The following STRN variants were observed in gnomAD, a reference collection of about 807,000 sequenced individuals.
The protein encoded by STRN is protein phosphatase 2 regulatory subunit B'''alpha.
Under a neutral mutation model 96.3 loss-of-function variants are expected in STRN, and 53 were observed. The observed-to-expected ratio is 0.55, with a 90% CI of 0.44 to 0.69. STRN has a LOEUF of 0.69. STRN is among the 30% of genes least tolerant of loss of function. The pLI, the probability that STRN is intolerant of heterozygous loss-of-function variation, is 0.00. For synonymous variants in STRN, 428 were observed against 355.9 expected, an observed-to-expected ratio of 1.20 and a Z score of -2.28; for missense variants, 987 against 963.9, an observed-to-expected ratio of 1.02 and a Z score of -0.32.
chr2:36,856,297 G>A (rs755091888), intron 14 of STRN, among the ~76,000 whole-genome samples: 2 of 152,080 alleles, frequency 1.3e-5, no homozygotes, highest in African/African-American at 4.8e-5. Context: ...ACATCCACCT[G>A]AAAGCCCAGC....
chr2:36,951,528 G>A (rs1664752255), intron 1 of STRN, among the ~76,000 whole-genome samples: 1 of 152,122 alleles, frequency 6.6e-6, no homozygotes, highest in Non-Finnish European at 1.5e-5. Context: ...TGACAAACAT[G>A]GTAAATATCA....
intron 1 of STRN, among the ~76,000 whole-genome samples, chr2:36,962,348 TACACCAC>T (rs922301787): frequency 6.6e-6 from 1 of 152,164 alleles, no homozygotes. Context: ...GGGCCTCTCC[TACACCAC>T]ACACCACACA....
intron 12 of STRN, among the ~76,000 whole-genome samples, chr2:36,862,183 G>C (rs1448347776): frequency 2.0e-5 from 3 of 152,070 alleles, no homozygotes; most frequent in Non-Finnish European, 4.4e-5. Flanking sequence ...GGCATTTAGG[G>C]TGACTCCATG....
intron 1 of STRN, among the ~76,000 whole-genome samples, chr2:36,947,813 C>A (rs1664626613): frequency 1.3e-5 from 2 of 151,514 alleles, no homozygotes; most frequent in South Asian, 2.1e-4. Flanking sequence ...CTAAAGATGA[C>A]ATGTGGAAAA....
At chr2:36,875,758 G>A (rs1032863233) in intron 10 of STRN, among the ~76,000 whole-genome samples, 10 of 150,468 alleles carry the variant, frequency 6.6e-5, no homozygotes, top group African/African-American at 2.2e-4. Context: ...CCGGGTTCAC[G>A]CCATTCTCCT....
Position 36,838,837 on chromosome 2 carries a change from A to G in STRN, c.*10619T>C, listed in dbSNP as rs1195686687. Among the ~76,000 whole-genome samples, 2 of 152,202 alleles carry G rather than the reference A, an allele frequency of 1.3e-5. No individual in the cohort carries two copies. The highest frequency in any genetic ancestry group is 2.4e-5 in the African/African-American group (1 of 41,450). ...AGACTTAGAGAAATTCTCATCCTAC[A>G]TTGTTAAATGAGAAATGTGAGATGC... On this transcript the variant is annotated 3_prime_UTR_variant, in exon 18 of 18. Coordinates refer to ENST00000263918, the MANE Select transcript of STRN (RefSeq NM_003162.4).
chr2:36,877,947 G>C lies in STRN; in HGVS notation c.1267C>G (p.Leu423Val). 2 of 1,614,156 alleles carry C rather than the reference G, an allele frequency of 1.2e-6. No homozygotes were observed. Among genetic ancestry groups the C allele is most frequent in the Non-Finnish European group, 1.7e-6 (2 of 1,180,026 alleles). The change falls in exon 10 of 18, where the codon CTT (leucine) becomes GTT (valine). Residue 423 changes from leucine to valine, a missense_variant. By Grantham distance (32) the Leu-to-Val change is conservative. Coordinates refer to ENST00000263918, the MANE Select transcript of STRN (RefSeq NM_003162.4). ...ACCGTAAGGCCTGCTAGTTCTCCAA[G>C]TCCCAGTTCACTTTCAAGGGCTTCA... ...ADEALESELG[L>V]GELAGLTVAN...
intron 1 of STRN, among the ~76,000 whole-genome samples, 199 bp downstream of exon 1, chr2:36,966,031 G>T (rs934481336): frequency 6.6e-6 from 1 of 151,914 alleles, no homozygotes; most frequent in Non-Finnish European, 1.5e-5. Context: ...CACCAGGAGC[G>T]GGAGTGAGAA....
Position 36,948,081 on chromosome 2 carries a change from C to CTTTTTTTTTTTTTTTTTTTTTT in STRN, c.234+18127_234+18148dup, listed in dbSNP as rs553351693. ...TCTCCTCTATAATTATCAGTGCACT[C>CTTTTTTTTTTTTTTTTTTTTTT]TTTTTTTTTTTTTTTTTTTTTTTTT... is the stretch of plus-strand genomic sequence containing the variant. On this transcript the variant is annotated intron_variant, in intron 1 of 17. Coordinates refer to ENST00000263918, the MANE Select transcript of STRN (RefSeq NM_003162.4). Among the ~76,000 whole-genome samples, 4 of 68,138 alleles carry CTTTTTTTTTTTTTTTTTTTTTT rather than the reference C, an allele frequency of 5.9e-5. 1 individual carries two copies. The highest frequency in any genetic ancestry group is 1.9e-4 in the African/African-American group (3 of 15,886). The allele number at this position is 68,138 out of a possible 152,430, so 44.7% of individuals were successfully genotyped here.
intron 15 of STRN, among the ~76,000 whole-genome samples, chr2:36,853,694 A>G (rs1265336529): frequency 6.6e-6 from 1 of 152,200 alleles, no homozygotes; most frequent in Non-Finnish European, 1.5e-5. Context: ...TTTAAACTCT[A>G]TATAAAACTC....
chr2:36,866,507 AT>A (rs1668630386), intron 12 of STRN, among the ~76,000 whole-genome samples: 1 of 152,192 alleles, frequency 6.6e-6, no homozygotes. Flanking sequence ...AGAAGAATGT[AT>A]ATTCTGTTGT....
At chr2:36,923,124 G>C (rs1242716145) in intron 2 of STRN, among the ~76,000 whole-genome samples, 1 of 134,508 alleles carries the variant, frequency 7.4e-6, no homozygotes, top group Non-Finnish European at 1.6e-5. Context: ...CCTGGCAACA[G>C]AGCAAAACTC....
chr2:36,873,869 G>T (rs906084653), intron 10 of STRN, among the ~76,000 whole-genome samples: 3 of 151,724 alleles, frequency 2.0e-5, no homozygotes, highest in African/African-American at 7.3e-5. Context: ...CTTGAACCTG[G>T]GAGGCAGAGG....
In STRN at chr2:36,847,426, C is replaced by A. The variant is rs1375679246; in HGVS notation, c.*2030G>T. 2.6e-5 allele frequency: 4 copies of A among 152,052 alleles called. No individual in the cohort carries two copies. In the East Asian group the frequency reaches 7.7e-4, roughly 29 times the overall value. 9.4% of individuals were successfully genotyped at this position (152,052 alleles called of 1,614,324 possible). On this transcript the variant is annotated 3_prime_UTR_variant, in exon 18 of 18. Coordinates refer to ENST00000263918, the MANE Select transcript of STRN (RefSeq NM_003162.4). ...GAAGGAATTTTCCAGTATCCTTCTA[C>A]AAATGTTAGGTTAGAAACATTCTTT...
chr2:36,897,950 T>A (rs1669588967), intron 6 of STRN, among the ~76,000 whole-genome samples: 1 of 152,056 alleles, frequency 6.6e-6, no homozygotes, highest in African/African-American at 2.4e-5. Flanking sequence ...TTCAGCCTCC[T>A]GAGTAGCTGG....
intron 1 of STRN, among the ~76,000 whole-genome samples, chr2:36,934,183 G>A (rs1670645250): frequency 6.6e-6 from 1 of 152,080 alleles, no homozygotes; most frequent in African/African-American, 2.4e-5. Flanking sequence ...AAAAATGTAA[G>A]GACTAAGAAA....
At chr2:36,888,953 G>A (rs1180754695) in intron 7 of STRN, among the ~76,000 whole-genome samples, 1 of 151,976 alleles carries the variant, frequency 6.6e-6, no homozygotes, top group African/African-American at 2.4e-5. Context: ...CAAAGTGCTG[G>A]GATTACAGGC....
intron 1 of STRN, among the ~76,000 whole-genome samples, chr2:36,949,193 T>C (rs974670368): frequency 2.0e-5 from 3 of 152,346 alleles, no homozygotes; most frequent in East Asian, 1.9e-4. Flanking sequence ...CTAGGAGCAA[T>C]AGGCTATGCC....
chr2:36,943,440 C>G (rs1046780788), intron 1 of STRN, among the ~76,000 whole-genome samples: 9 of 151,802 alleles, frequency 5.9e-5, no homozygotes, highest in Non-Finnish European at 2.9e-5. Context: ...GAAGCTCTTA[C>G]TATGTTACAT....
Sources: allele counts gnomAD v4.1 joint callset (sites outside exome capture counted in the v4.1 genomes callset), GRCh38; gene constraint gnomAD v4.1.1; transcripts MANE v1.5; gene names NCBI Gene and HGNC (gene_info 2026-07-23, HGNC 2026-07-21).